SUPT6H: variants seen among roughly 807,000 people sequenced by gnomAD.
SUPT6H encodes SPT6 homolog, histone chaperone and transcription elongation factor, also known as transcription elongation factor SPT6.
Under a neutral mutation model 222.3 loss-of-function variants are expected in SUPT6H, and 11 were observed. That is an observed-to-expected ratio of 0.05 (90% confidence interval 0.03 to 0.08). The LOEUF (loss-of-function observed/expected upper bound fraction) is 0.08, where lower values mean the gene tolerates loss of function less well. Among genes scored for constraint, SUPT6H ranks in the 10% least tolerant of loss-of-function variants. The pLI is 1.00. For synonymous variants in SUPT6H, 762 were observed against 801.2 expected, an observed-to-expected ratio of 0.95 and a Z score of 0.83; for missense variants, 1,422 against 2,216.0, an observed-to-expected ratio of 0.64 and a Z score of 7.19.
At chr17:28,680,105 G>A (rs2031012120) in intron 11 of SUPT6H, among the ~76,000 whole-genome samples, 1 of 151,738 alleles carries the variant, frequency 6.6e-6, no homozygotes, top group African/African-American at 2.4e-5. Context: ...AGGAGTTCAA[G>A]ACCAGCTTGG....
At chr17:28,689,202 A>G (rs2031531521) in intron 24 of SUPT6H, 152 bp from the exon 25 acceptor site, 1 of 668,310 alleles carries the variant, frequency 1.5e-6, no homozygotes, top group African/African-American at 1.8e-5. Context: ...GTCAGCACAC[A>G]TAGATCTACC....
At chr17:28,673,834 C>T (rs183119038) in intron 2 of SUPT6H, among the ~76,000 whole-genome samples, 1 of 152,280 alleles carries the variant, frequency 6.6e-6, no homozygotes, top group Admixed American at 6.5e-5. Flanking sequence ...TATTTATTCA[C>T]CTCGTTTCCT....
At chr17:28,671,134 C>T (rs1041617840) in intron 1 of SUPT6H, 5 of 152,172 alleles carry the variant, frequency 3.3e-5, no homozygotes, top group Non-Finnish European at 5.9e-5. Context: ...ATTAGAGCCA[C>T]AGAACTTAAG....
chr17:28,691,128 G>A (rs1206755377), intron 27 of SUPT6H, 65 bp downstream of exon 27: 2 of 1,554,878 alleles, frequency 1.3e-6, no homozygotes, highest in African/African-American at 2.7e-5. Context: ...GTGCCTAGAA[G>A]GGAATCAGAA....
In SUPT6H at chr17:28,682,017, C is replaced by A. The variant is rs375669493; in HGVS notation, c.1597+37C>A. 5.6e-5 allele frequency: 86 copies of A among 1,546,940 alleles called. No individual in the cohort carries two copies. In the African/African-American group the frequency reaches 6.4e-4, roughly 11 times the overall value. On this transcript the variant is annotated intron_variant, in intron 13 of 36. Coordinates refer to ENST00000314616, the MANE Select transcript of SUPT6H (RefSeq NM_003170.5). ...CTGCTTTGGGATTTAGGCATTCTAG[C>A]CTGAGCAAGGGGAGTTACCCAGAAA...
intron 32 of SUPT6H, 49 bp from the exon 33 acceptor site, chr17:28,699,732 T>C (rs200985862): frequency 6.6e-7 from 1 of 1,511,246 alleles, no homozygotes. Context: ...GTCGCTCTTG[T>C]GGTGGGTCCC....
At chr17:28,666,532 G>A (rs994210530) in intron 1 of SUPT6H, among the ~76,000 whole-genome samples, 2 of 151,388 alleles carry the variant, frequency 1.3e-5, no homozygotes, top group African/African-American at 2.4e-5. Context: ...CTAAAGAAAT[G>A]TGGAAAGAAA....
chr17:28,700,530 G>A lies in SUPT6H; in HGVS notation c.4806+18G>A, dbSNP rs1385756618. ...CTTACCACGTATGTGGCTTGGGGAGGAAGCTCCCTGTGCAGGGTGGGGCCC... is the reference window on the plus strand; with the variant it reads ...CTTACCACGTATGTGGCTTGGGGAGAAAGCTCCCTGTGCAGGGTGGGGCCC... On this transcript the variant is annotated intron_variant, in intron 35 of 36. Coordinates refer to ENST00000314616, the MANE Select transcript of SUPT6H (RefSeq NM_003170.5). The A allele has an allele frequency of 4.3e-6, 7 of 1,609,704 alleles. No individual in the cohort carries two copies. Among genetic ancestry groups the A allele is most frequent in the Non-Finnish European group, 5.9e-6 (7 of 1,177,322 alleles).
chr17:28,687,252 G>T, intron 22 of SUPT6H, 27 bp downstream of exon 22: 3 of 1,614,148 alleles, frequency 1.9e-6, no homozygotes, highest in Non-Finnish European at 2.5e-6. Flanking sequence ...AGGCAGGCTC[G>T]GGTGAAGGGA....
At chr17:28,675,580 C>A in intron 6 of SUPT6H, 95 bp downstream of exon 6, 1 of 1,328,806 alleles carries the variant, frequency 7.5e-7, no homozygotes, top group Non-Finnish European at 1.1e-6. Context: ...ATGGGGCATT[C>A]CCAGCTTGCA....
At chr17:28,689,279 C>T (rs760082676) in intron 24 of SUPT6H, 75 bp from the exon 25 acceptor site, 10 of 1,404,838 alleles carry the variant, frequency 7.1e-6, no homozygotes, top group Non-Finnish European at 1.0e-5. Flanking sequence ...TAACCAGTTC[C>T]CCATTGGTGG....
chr17:28,685,063 G>A, intron 19 of SUPT6H, 102 bp downstream of exon 19: 2 of 1,110,370 alleles, frequency 1.8e-6, no homozygotes, highest in African/African-American at 3.1e-5. Flanking sequence ...ATGCAAGACT[G>A]ATTGTGTCTG....
intron 1 of SUPT6H, among the ~76,000 whole-genome samples, chr17:28,667,697 A>G (rs1157307848): frequency 1.3e-5 from 2 of 151,560 alleles, no homozygotes; most frequent in East Asian, 3.9e-4. Context: ...TTATTCAGGC[A>G]TCACCTTTTC....
intron 15 of SUPT6H, 65 bp downstream of exon 15, chr17:28,683,157 C>T: frequency 6.4e-7 from 1 of 1,564,152 alleles, no homozygotes; most frequent in Non-Finnish European, 8.6e-7. Context: ...GCCTGAGTTT[C>T]TTGCCTTCCA....
At chr17:28,663,827 C>CCTTTTTTTTTTTTTTTTTTTTTT (rs1567681347) in intron 1 of SUPT6H, among the ~76,000 whole-genome samples, 11 of 8,412 alleles carry the variant, frequency 1.3e-3, no homozygotes, top group East Asian at 5.1e-3. Context: ...CTGCCCACTC[C>CCTTTTTTTTTTTTTTTTTTTTTT]ATTTTTTTTT....
In SUPT6H at chr17:28,688,064, C is replaced by A; in HGVS notation, c.3007-27C>A. 1 of 1,586,626 alleles carries A rather than the reference C, an allele frequency of 6.3e-7. No individual in the cohort carries two copies. Among genetic ancestry groups the A allele is most frequent in the Non-Finnish European group, 8.6e-7 (1 of 1,164,230 alleles). On this transcript the variant is annotated intron_variant, in intron 23 of 36. Coordinates refer to ENST00000314616, the MANE Select transcript of SUPT6H (RefSeq NM_003170.5). This position sits in a 1 kb window ranked among gnomAD's most constrained non-coding sequence, Gnocchi z 4.3. The stretch of plus-strand genomic sequence containing the variant: ...GGGGAGGTGGGGCCTGCTTACTGCC[C>A]TGGCTCAGTCCAGCTCTCTCCCCCA...
chr17:28,690,282 A>G, intron 26 of SUPT6H, 53 bp downstream of exon 26: 1 of 1,592,862 alleles, frequency 6.3e-7, no homozygotes, highest in Non-Finnish European at 8.6e-7. Flanking sequence ...TTTACTGTGT[A>G]CATTCAAACC....
chr17:28,679,356 G>T (rs888204232), intron 11 of SUPT6H, among the ~76,000 whole-genome samples: 1 of 152,036 alleles, frequency 6.6e-6, no homozygotes, highest in Admixed American at 6.5e-5. Flanking sequence ...CTGGGCAACA[G>T]AGCGAGACTT....
intron 12 of SUPT6H, 122 bp from the exon 13 acceptor site, chr17:28,681,760 G>A: frequency 1.3e-6 from 1 of 763,028 alleles, no homozygotes; most frequent in Non-Finnish European, 2.1e-6. Context: ...AGACTTGACA[G>A]CCCATGGCAT....
Sources: gnomAD v4.1 joint callset for allele counts (sites outside exome capture counted in the v4.1 genomes callset) on GRCh38, gnomAD v4.1.1 for gene constraint, Gnocchi (gnomAD v3.1) non-coding constraint, MANE v1.5 for transcripts, NCBI Gene and HGNC (gene_info 2026-07-23, HGNC 2026-07-21) for gene names.